PNMA2: variants seen among roughly 807,000 people sequenced by gnomAD.
PNMA2 encodes the protein paraneoplastic antigen Ma2.
For synonymous variants in PNMA2, 175 were observed against 183.5 expected (o/e 0.95, Z 0.38); for missense variants, 455 against 452.9 (o/e 1.00, Z -0.04).
Position 26,505,419 on chromosome 8 carries a change from T to C in PNMA2, c.*2242A>G, listed in dbSNP as rs1808030600. 2 of 156,584 alleles carry C rather than the reference T, an allele frequency of 1.3e-5. No individual in the cohort carries two copies. The highest frequency in any genetic ancestry group is 4.8e-5 in the African/African-American group (2 of 41,650). 9.7% of individuals were successfully genotyped at this position (156,584 alleles called of 1,614,324 possible). ...GATTTGCCTAGCACATATAACTAAA[T>C]GGTGCTCATCTGCACTGCACTCACA... On this transcript the variant is annotated 3_prime_UTR_variant, in exon 3 of 3. Coordinates refer to ENST00000522362, the MANE Select transcript of PNMA2 (RefSeq NM_007257.6).
In PNMA2 at chr8:26,507,620, G is replaced by A. The variant is rs972565064; in HGVS notation, c.*41C>T. ...CATTAAAGAAAAAAATTTTTTAAAG[G>A]TCTTAGCCCACTGGCTGTGGGTCCT... On this transcript the variant is annotated 3_prime_UTR_variant, in exon 3 of 3. Coordinates refer to ENST00000522362, the MANE Select transcript of PNMA2 (RefSeq NM_007257.6). 8 of 1,515,484 alleles carry A rather than the reference G, an allele frequency of 5.3e-6. No homozygotes were observed. In the South Asian group the frequency reaches 5.5e-5, roughly 10 times the overall value. The allele number at this position is 1,515,484 out of a possible 1,614,324, so 93.9% of individuals were successfully genotyped here. A position where few individuals can be genotyped will look rare whatever the true frequency, so the allele number is the denominator to read the frequency against.
At position 26,508,454 on chromosome 8, in the gene PNMA2, T is replaced by C. The variant is rs765277641; in HGVS notation, c.302A>G (p.Glu101Gly). ...AAACAGGTTCAATCTTTCAAGAAAC[T>C]CAGTGTCCTGATTAGGGGTCTTAAA... The part of the protein sequence containing the change: ...VIFKTPNQDT[E>G]FLERLNLFLE... The change falls in exon 3 of 3, where the codon GAG (glutamate) becomes GGG (glycine). Residue 101 changes from glutamate to glycine, a missense_variant. Coordinates refer to ENST00000522362, the MANE Select transcript of PNMA2 (RefSeq NM_007257.6). This position sits in a 1 kb window ranked among gnomAD's most constrained non-coding sequence, Gnocchi z 5.5. The C allele has an allele frequency of 6.2e-7, 1 of 1,614,190 alleles. No individual in the cohort carries two copies. The highest frequency in any genetic ancestry group is 8.5e-7 in the Non-Finnish European group (1 of 1,180,036).
At position 26,507,699 on chromosome 8, in the gene PNMA2, C is replaced by G; in HGVS notation, c.1057G>C (p.Asp353His). Residue 353 changes from aspartate (D) to histidine (H), a missense_variant, in exon 3 of 3, where the codon GAT becomes CAT. Coordinates refer to ENST00000522362, the MANE Select transcript of PNMA2 (RefSeq NM_007257.6). The stretch of plus-strand genomic sequence containing the variant: ...TCATGATTCCAGCGGCCATAGCCAT[C>G]TCGTTCCTCTGGCTCTTCGATACTC... ...NESIEEPEER[D>H]GYGRWNHEGD... The G allele has an allele frequency of 6.3e-7, 1 of 1,580,584 alleles. No homozygotes were observed. Among genetic ancestry groups the G allele is most frequent in the Non-Finnish European group, 8.6e-7 (1 of 1,164,880 alleles).
chr8:26,511,458 C>T (rs536243350), intron 1 of PNMA2, among the ~76,000 whole-genome samples: 1 of 152,264 alleles, frequency 6.6e-6, no homozygotes, highest in South Asian at 2.1e-4. Context: ...CCATGCCTGA[C>T]TTTTCCTTTC....
At chr8:26,512,167 T>A (rs1156606459) in intron 1 of PNMA2, among the ~76,000 whole-genome samples, 1 of 152,226 alleles carries the variant, frequency 6.6e-6, no homozygotes, top group Non-Finnish European at 1.5e-5. Context: ...CAACCTTGGC[T>A]ATGCGCCCCA....
chr8:26,508,285 C>T lies in PNMA2; in HGVS notation c.471G>A (p.Leu157=). Residue 157 remains leucine (L), a synonymous_variant, in exon 3 of 3, where the codon CTG becomes CTA. Coordinates refer to ENST00000522362, the MANE Select transcript of PNMA2 (RefSeq NM_007257.6). This position sits in a 1 kb window ranked among gnomAD's most constrained non-coding sequence, Gnocchi z 5.5. ...GQAMAHAPQP[L]LPMRYRKLRV... ...GCAGTTTCCGGTATCTCATGGGTAG[C>T]AGGGGCTGAGGCGCATGTGCCATTG... is the stretch of plus-strand genomic sequence containing the variant. 1 of 1,602,198 alleles carries T rather than the reference C, an allele frequency of 6.2e-7. No individual in the cohort carries two copies. The highest frequency in any genetic ancestry group is 1.7e-5 in the Admixed American group (1 of 59,102).
At position 26,509,859 on chromosome 8, in the gene PNMA2, T is replaced by G. The variant is rs1259117077; in HGVS notation, c.-618-182A>C. The stretch of plus-strand genomic sequence containing the variant: ...ACTCAAACGTTTAAAAATAGTTTAA[T>G]CTAGGTATAACAATTCAGGGAAAAA... On this transcript the variant is annotated intron_variant, in intron 1 of 2. Transcript: ENST00000522362. This position sits in a 1 kb window ranked among gnomAD's most constrained non-coding sequence, Gnocchi z 5.7. Among the ~76,000 whole-genome samples, 1 of 152,220 alleles carries G rather than the reference T, an allele frequency of 6.6e-6. No individual in the cohort carries two copies. Among genetic ancestry groups the G allele is most frequent in the African/African-American group, 2.4e-5 (1 of 41,466 alleles).
intron 1 of PNMA2, among the ~76,000 whole-genome samples, chr8:26,512,375 C>G (rs555157233): frequency 2.6e-5 from 4 of 152,316 alleles, no homozygotes; most frequent in African/African-American, 7.2e-5. Context: ...CTATATTCTT[C>G]TTCCCCAGTC....
chr8:26,507,879 C>A lies in PNMA2; in HGVS notation c.877G>T (p.Val293Phe). The change falls in exon 3 of 3, where the codon GTC becomes TTC. Residue 293 changes from valine to phenylalanine, a missense_variant. Coordinates refer to ENST00000522362, the MANE Select transcript of PNMA2 (RefSeq NM_007257.6). ...RAIPRRIADQ[V>F]RLEQVMAGAT... ...CCAGCCATGACCTGCTCCAGGCGGA[C>A]CTGGTCCGCAATACGCCGAGGGATG... 1 of 1,614,200 alleles carries A rather than the reference C, an allele frequency of 6.2e-7. No individual in the cohort carries two copies. The highest frequency in any genetic ancestry group is 8.5e-7 in the Non-Finnish European group (1 of 1,180,024).
rs1357625581 is a variant in PNMA2, at chr8:26,509,399, G to A, written c.-489+149C>T. 6.6e-6 allele frequency: 1 copy of A among 152,258 alleles called. No individual in the cohort carries two copies. The highest frequency in any genetic ancestry group is 1.5e-5 in the Non-Finnish European group (1 of 68,078). 9.4% of individuals were successfully genotyped at this position (152,258 alleles called of 1,614,324 possible). A position where few individuals can be genotyped will look rare whatever the true frequency, so the allele number is the denominator to read the frequency against. Reference sequence around the variant, plus strand: ...GTCAGACCCCTTCTTTGCTCACTGTGACTTTTTTTTCTCTTGGGGACTCCA... The same window carrying A: ...GTCAGACCCCTTCTTTGCTCACTGTAACTTTTTTTTCTCTTGGGGACTCCA... On this transcript the variant is annotated intron_variant, in intron 2 of 2. Coordinates refer to ENST00000522362, the MANE Select transcript of PNMA2 (RefSeq NM_007257.6). The surrounding 1 kb of genome is among the most constrained non-coding windows in gnomAD (Gnocchi z 5.7).
At position 26,506,248 on chromosome 8, in the gene PNMA2, G is replaced by A. The variant is rs544011099; in HGVS notation, c.*1413C>T. ...AAAGAGCAAAATTATACCACAACAG[G>A]GTGGCTGTATACATTCAATGAGATA... is the stretch of plus-strand genomic sequence containing the variant. On this transcript the variant is annotated 3_prime_UTR_variant, in exon 3 of 3. Transcript: ENST00000522362. The surrounding 1 kb of genome is among the most constrained non-coding windows in gnomAD (Gnocchi z 4.4). 1 of 152,222 alleles carries A rather than the reference G, an allele frequency of 6.6e-6. No individual in the cohort carries two copies. The highest frequency in any genetic ancestry group is 2.4e-5 in the African/African-American group (1 of 41,534). 9.4% of individuals were successfully genotyped at this position (152,222 alleles called of 1,614,324 possible). A position where few individuals can be genotyped will look rare whatever the true frequency, so the allele number is the denominator to read the frequency against.
intron 1 of PNMA2, among the ~76,000 whole-genome samples, 179 bp downstream of exon 1, chr8:26,513,637 T>G (rs1036626075): frequency 6.6e-6 from 1 of 152,122 alleles, no homozygotes; most frequent in Non-Finnish European, 1.5e-5. Flanking sequence ...TTCCCATCCA[T>G]CAGCTCACAC....
At chr8:26,512,047 G>T (rs1165310665) in intron 1 of PNMA2, among the ~76,000 whole-genome samples, 1 of 152,148 alleles carries the variant, frequency 6.6e-6, no homozygotes, top group East Asian at 1.9e-4. Flanking sequence ...AGAAATAGAA[G>T]AACCTTGTAT....
rs1808078784 is a variant in PNMA2, at chr8:26,508,095, C to A, written c.661G>T (p.Val221Leu). Residue 221 changes from valine (V) to leucine (L), a missense_variant, in exon 3 of 3, where the codon GTG (valine) becomes TTG (leucine). Transcript: ENST00000522362. The surrounding 1 kb of genome is among the most constrained non-coding windows in gnomAD (Gnocchi z 5.5). The part of the protein sequence containing the change: ...RGPALDLMHI[V>L]QADNPSISVE... ...CTGATGGACGGGTTGTCTGCCTGCA[C>A]TATGTGCATGAGGTCCAGGGCAGGG... 1 of 1,614,154 alleles carries A rather than the reference C, an allele frequency of 6.2e-7. No homozygotes were observed.
In PNMA2 at chr8:26,505,749, G is replaced by A. The variant is rs1338403642; in HGVS notation, c.*1912C>T. 1.3e-5 allele frequency: 2 copies of A among 152,236 alleles called. No homozygotes were observed. The highest frequency in any genetic ancestry group is 4.8e-5 in the African/African-American group (2 of 41,444). The allele number at this position is 152,236 out of a possible 1,614,324, so 9.4% of individuals were successfully genotyped here. On this transcript the variant is annotated 3_prime_UTR_variant, in exon 3 of 3. Coordinates refer to ENST00000522362, the MANE Select transcript of PNMA2 (RefSeq NM_007257.6). ...CTCACACCTGTAATCCCAGCACTTT[G>A]GGAGGCCGAGGTGAGTGGATCACTT...
In PNMA2 at chr8:26,508,970, C is replaced by G. The variant is rs1401349024; in HGVS notation, c.-215G>C. ...GTGGCAAGAACTCAGGACTTCTTGT[C>G]TTTAGGCCTGACCCAGGTGGGCAGG... On this transcript the variant is annotated 5_prime_UTR_variant, in exon 3 of 3. Coordinates refer to ENST00000522362, the MANE Select transcript of PNMA2 (RefSeq NM_007257.6). This position sits in a 1 kb window ranked among gnomAD's most constrained non-coding sequence, Gnocchi z 5.5. The G allele has an allele frequency of 7.6e-7, 1 of 1,323,260 alleles. No individual in the cohort carries two copies. The highest frequency in any genetic ancestry group is 1.5e-5 in the African/African-American group (1 of 67,236). The allele number at this position is 1,323,260 out of a possible 1,614,324, so 82.0% of individuals were successfully genotyped here.
At position 26,507,930 on chromosome 8, in the gene PNMA2, G is replaced by T; in HGVS notation, c.826C>A (p.Leu276Ile). The T allele has an allele frequency of 1.2e-6, 2 of 1,614,138 alleles. No individual in the cohort carries two copies. The highest frequency in any genetic ancestry group is 1.7e-6 in the Non-Finnish European group (2 of 1,180,048). Residue 276 changes from leucine to isoleucine, a missense_variant, in exon 3 of 3, where the codon CTC (leucine) becomes ATC (isoleucine). Coordinates refer to ENST00000522362, the MANE Select transcript of PNMA2 (RefSeq NM_007257.6). Reference protein sequence around the residue: ...SAYVLRLETLLRRAVEKRAIP... With the variant: ...SAYVLRLETLIRRAVEKRAIP... ...GCGCGTTTCTCCACCGCTCTCCGGA[G>T]CAGGGTTTCTAGCCGTAACACATAG...
Position 26,508,126 on chromosome 8 carries a change from C to T in PNMA2, c.630G>A (p.Leu210=). ...AEKKRWLAES[L]RGPALDLMHI... ...GCATGAGGTCCAGGGCAGGGCCCCG[C>T]AGGCTTTCCGCCAGCCACCTTTTCT... is the stretch of plus-strand genomic sequence containing the variant. Residue 210 remains leucine, a synonymous_variant, in exon 3 of 3, where the codon CTG becomes CTA. Coordinates refer to ENST00000522362, the MANE Select transcript of PNMA2 (RefSeq NM_007257.6). The surrounding 1 kb of genome is among the most constrained non-coding windows in gnomAD (Gnocchi z 5.5). 1 of 1,614,240 alleles carries T rather than the reference C, an allele frequency of 6.2e-7. No individual in the cohort carries two copies. The highest frequency in any genetic ancestry group is 8.5e-7 in the Non-Finnish European group (1 of 1,180,038).
rs540899871 is a variant in PNMA2, at chr8:26,512,427, C to G, written c.-619+1389G>C. Among the ~76,000 whole-genome samples, 44 of 152,340 alleles carry G rather than the reference C, an allele frequency of 2.9e-4. 1 individual carries two copies. The Middle Eastern group carries it at 0.017, about 59-fold the overall frequency. On this transcript the variant is annotated intron_variant, in intron 1 of 2. Coordinates refer to ENST00000522362, the MANE Select transcript of PNMA2 (RefSeq NM_007257.6). The stretch of plus-strand genomic sequence containing the variant: ...ACGCCTTTCCACCTATCAAGATGGG[C>G]TGATCTTCAAATTGCGACTGATTGT...
Sources: allele counts gnomAD v4.1 joint callset (sites outside exome capture counted in the v4.1 genomes callset), GRCh38; gene constraint gnomAD v4.1.1; non-coding constraint Gnocchi (gnomAD v3.1); transcripts MANE v1.5; gene names NCBI Gene and HGNC (gene_info 2026-07-23, HGNC 2026-07-21).